Variants in ITGA4 observed in about 807,000 individuals in gnomAD.
The protein encoded by ITGA4 is integrin subunit alpha 4.
Under a neutral mutation model 133.6 loss-of-function variants are expected in ITGA4, and 63 were observed. That is an observed-to-expected ratio of 0.47 (90% CI 0.38 to 0.58). ITGA4 has a LOEUF of 0.58. Ranked by LOEUF, ITGA4 falls within the 20% of genes least tolerant of loss-of-function variation. The pLI is 0.00. For synonymous variants in ITGA4, 483 were observed against 438.0 expected (o/e 1.10, Z -1.28); for missense variants, 1,076 against 1,252.7 (o/e 0.86, Z 2.13).
At chr2:181,488,472 C>T (rs116360286) in intron 10 of ITGA4, among the ~76,000 whole-genome samples, 266 of 152,146 alleles carry the variant, frequency 1.7e-3, no homozygotes, top group African/African-American at 5.7e-3. Context: ...TATAATTCAC[C>T]GCATATTTAC....
At position 181,522,219 on chromosome 2, in the gene ITGA4, G is replaced by A. The variant is rs199790361; in HGVS notation, c.1951G>A (p.Val651Ile). ...KPHENKTYLAVGSMKTLMLNV... is the reference protein window; with the variant it reads ...KPHENKTYLAIGSMKTLMLNV... Reference sequence around the variant, plus strand: ...CCATGAAAATAAAACATATCTTGCTGTTGGGAGTATGAAGACATTGATGTT... The same window carrying A: ...CCATGAAAATAAAACATATCTTGCTATTGGGAGTATGAAGACATTGATGTT... Residue 651 changes from valine (V) to isoleucine (I), a missense_variant, in exon 18 of 28, where the codon GTT (valine) becomes ATT (isoleucine). By Grantham distance (29) the Val-to-Ile change is conservative. Transcript: ENST00000397033. The A allele has an allele frequency of 1.9e-5, 30 of 1,592,434 alleles. No individual in the cohort carries two copies. The highest frequency in any genetic ancestry group is 2.6e-5 in the Non-Finnish European group (30 of 1,166,908).
chr2:181,469,290 T>C (rs1291213097), intron 2 of ITGA4, among the ~76,000 whole-genome samples: 1 of 152,182 alleles, frequency 6.6e-6, no homozygotes, highest in African/African-American at 2.4e-5. Flanking sequence ...TTTTAAATAA[T>C]ACAAGAAAAG....
chr2:181,531,677 A>G lies in ITGA4; in HGVS notation c.2685A>G (p.Pro895=). Residue 895 remains proline (P), a synonymous_variant, in exon 25 of 28, where the codon CCA becomes CCG. Coordinates refer to ENST00000397033, the MANE Select transcript of ITGA4 (RefSeq NM_000885.6). ...KRLLYCIKAD[P]HCLNFLCNFG... ...TCAAGTACTGCATAAAAGCTGATCC[A>G]CATTGTTTAAATTTCTTGTGTAATT... The G allele has an allele frequency of 1.2e-6, 2 of 1,601,212 alleles. No homozygotes were observed. The highest frequency in any genetic ancestry group is 1.7e-6 in the Non-Finnish European group (2 of 1,170,714).
chr2:181,480,698 G>A (rs969304037), intron 6 of ITGA4, among the ~76,000 whole-genome samples: 1 of 152,080 alleles, frequency 6.6e-6, no homozygotes, highest in Non-Finnish European at 1.5e-5. Context: ...CCAACTGAAA[G>A]CCAGTGGTAC....
In ITGA4 at chr2:181,531,684, T is replaced by G; in HGVS notation, c.2692T>G (p.Leu898Val). ...CTGCATAAAAGCTGATCCACATTGT[T>G]TAAATTTCTTGTGTAATTTTGGGAA... ...LYCIKADPHC[L>V]NFLCNFGKME... The change falls in exon 25 of 28, where the codon TTA (leucine) becomes GTA (valine). Residue 898 changes from leucine (L) to valine (V), a missense_variant. Around this residue, in one of 4 missense-constraint regions of ITGA4, gnomAD observed 193 missense variants for 172.3 expected, o/e 1.12. Coordinates refer to ENST00000397033, the MANE Select transcript of ITGA4 (RefSeq NM_000885.6). 6.2e-7 allele frequency: 1 copy of G among 1,603,448 alleles called. No homozygotes were observed. The highest frequency in any genetic ancestry group is 2.2e-5 in the East Asian group (1 of 44,484).
At chr2:181,519,544 G>A (rs1335755625) in intron 17 of ITGA4, among the ~76,000 whole-genome samples, 1 of 152,062 alleles carries the variant, frequency 6.6e-6, no homozygotes, top group Non-Finnish European at 1.5e-5. Flanking sequence ...ATAAAAGTGG[G>A]GGGAAATATC....
intron 10 of ITGA4, chr2:181,486,286 G>A (rs1006496202): frequency 4.3e-5 from 11 of 253,742 alleles, no homozygotes; most frequent in Non-Finnish European, 6.7e-5. Flanking sequence ...TACCTATTAA[G>A]CTGTTACACC....
rs199614447 is a variant in ITGA4 at position 181,474,954 on chromosome 2, C to A, written c.320-6C>A. 5 of 1,601,780 alleles carry A rather than the reference C, an allele frequency of 3.1e-6. No individual in the cohort carries two copies. The highest frequency in any genetic ancestry group is 1.3e-5 in the African/African-American group (1 of 74,658). On this transcript the variant is annotated splice_polypyrimidine_tract_variant and splice_region_variant and intron_variant, in intron 2 of 27. Transcript: ENST00000397033. ...CAACTGATAAAATTATTTTCACATG[C>A]TATAGGTAGCCCTAATGGAGAACCT...
chr2:181,487,203 A>G (rs754319519), intron 10 of ITGA4, among the ~76,000 whole-genome samples: 5 of 152,064 alleles, frequency 3.3e-5, no homozygotes, highest in Non-Finnish European at 5.9e-5. Context: ...GCCTCTCTGT[A>G]CCCCACCCAT....
intron 17 of ITGA4, among the ~76,000 whole-genome samples, chr2:181,514,502 G>A (rs573307997): frequency 1.0e-4 from 15 of 149,270 alleles, no homozygotes; most frequent in Non-Finnish European, 1.8e-4. Context: ...CAGAGACTAC[G>A]GACTACTTTG....
rs904015861 is a variant in ITGA4, at chr2:181,538,013, C to T, written c.*2486C>T. 1 of 686,870 alleles carries T rather than the reference C, an allele frequency of 1.5e-6. No homozygotes were observed. The highest frequency in any genetic ancestry group is 2.7e-6 in the Non-Finnish European group (1 of 366,220). The allele number at this position is 686,870 out of a possible 1,614,324, so 42.5% of individuals were successfully genotyped here. A position where few individuals can be genotyped will look rare whatever the true frequency, so the allele number is the denominator to read the frequency against. On this transcript the variant is annotated 3_prime_UTR_variant, in exon 28 of 28. Coordinates refer to ENST00000397033, the MANE Select transcript of ITGA4 (RefSeq NM_000885.6). ...CATGTTCCTCAAGAGAATCTAATGC[C>T]TGATGATCTGAGGTGGAACAGTTCA...
At chr2:181,488,772 A>G (rs1685979094) in intron 10 of ITGA4, among the ~76,000 whole-genome samples, 1 of 151,964 alleles carries the variant, frequency 6.6e-6, no homozygotes, top group African/African-American at 2.4e-5. Flanking sequence ...GTTAACCAGG[A>G]TGGTCTCTAT....
At chr2:181,527,191 T>C in intron 21 of ITGA4, 106 bp from the exon 22 acceptor site, 1 of 636,588 alleles carries the variant, frequency 1.6e-6, no homozygotes, top group Admixed American at 2.8e-5. Context: ...CCAAAAGTAT[T>C]CCATGGTGAC....
At position 181,495,430 on chromosome 2, in the gene ITGA4, A is replaced by G; in HGVS notation, c.1385+14A>G. 1.3e-6 allele frequency: 2 copies of G among 1,589,670 alleles called. No homozygotes were observed. Among genetic ancestry groups the G allele is most frequent in the Non-Finnish European group, 1.7e-6 (2 of 1,158,192 alleles). On this transcript the variant is annotated intron_variant, in intron 13 of 27. Coordinates refer to ENST00000397033, the MANE Select transcript of ITGA4 (RefSeq NM_000885.6). The surrounding 1 kb of genome is among the most constrained non-coding windows in gnomAD (Gnocchi z 4.3). ...TGTCTTGCTAAGGTAAGACTGATAT[A>G]TTTCACTGCTTAATTGCAATTTGGT...
At chr2:181,515,881 T>C (rs1249688129) in intron 17 of ITGA4, among the ~76,000 whole-genome samples, 1 of 152,092 alleles carries the variant, frequency 6.6e-6, no homozygotes. Flanking sequence ...TAATGGTATT[T>C]ATGTGCCCCA....
chr2:181,521,228 A>G (rs62191453), intron 17 of ITGA4, among the ~76,000 whole-genome samples: 38,659 of 152,060 alleles, frequency 0.25, 5,407 homozygotes, highest in Non-Finnish European at 0.32. Context: ...AGTTTATAAA[A>G]TGACATACTG....
At chr2:181,498,926 T>C (rs1686213430) in intron 15 of ITGA4, 149 bp downstream of exon 15, 1 of 1,315,182 alleles carries the variant, frequency 7.6e-7, no homozygotes, top group African/African-American at 1.5e-5. Context: ...AGTTAAGGTA[T>C]GAGACAATCT....
intron 4 of ITGA4, among the ~76,000 whole-genome samples, chr2:181,477,059 A>G (rs1443250045): frequency 1.3e-5 from 2 of 152,144 alleles, no homozygotes; most frequent in African/African-American, 4.8e-5. Context: ...TAATCTGTAC[A>G]TCAAACCCCT....
chr2:181,461,954 A>C (rs1172578008), intron 2 of ITGA4, among the ~76,000 whole-genome samples: 1 of 152,194 alleles, frequency 6.6e-6, no homozygotes, highest in Non-Finnish European at 1.5e-5. Flanking sequence ...TGAAACAAAC[A>C]CTTTAAAATT....
Sources: gnomAD v4.1 joint callset for allele counts (sites outside exome capture counted in the v4.1 genomes callset) on GRCh38, gnomAD v4.1.1 for gene constraint, gnomAD v4.1.1 regional missense constraint, Gnocchi (gnomAD v3.1) non-coding constraint, MANE v1.5 for transcripts, NCBI Gene and HGNC (gene_info 2026-07-23, HGNC 2026-07-21) for gene names.